Variants in EPS15 observed in about 807,000 individuals in gnomAD.
EPS15 encodes the protein epidermal growth factor receptor substrate 15.
Under a neutral mutation model 113.8 loss-of-function variants are expected in EPS15, and 72 were observed. That is an observed-to-expected ratio of 0.63 (90% CI 0.52 to 0.77). The LOEUF is 0.77. EPS15 is among the 30% of genes least tolerant of loss of function. The probability of loss-of-function intolerance (pLI) is 0.00; values close to 1 mark genes in which losing one functional copy is unlikely to be tolerated. For synonymous variants in EPS15, 344 were observed against 363.4 expected, an observed-to-expected ratio of 0.95 and a Z score of 0.61; for missense variants, 1,048 against 1,045.8, an observed-to-expected ratio of 1.00 and a Z score of -0.03.
intron 21 of EPS15, among the ~76,000 whole-genome samples, chr1:51,387,848 TAGACTCCCACAC>T (rs1462387784): frequency 6.6e-6 from 1 of 152,194 alleles, no homozygotes; most frequent in East Asian, 1.9e-4. Context: ...CAAAGAGACT[TAGACTCCCACAC>T]AATAATAATG....
intron 12 of EPS15, among the ~76,000 whole-genome samples, chr1:51,434,717 G>A (rs977187543): frequency 5.9e-5 from 9 of 152,130 alleles, no homozygotes; most frequent in African/African-American, 1.9e-4. Flanking sequence ...TGTCTCCCAG[G>A]CTGGAGTGCA....
At chr1:51,414,315 A>G (rs549737894) in intron 13 of EPS15, among the ~76,000 whole-genome samples, 80 of 152,138 alleles carry the variant, frequency 5.3e-4, no homozygotes, top group Non-Finnish European at 9.6e-4. Flanking sequence ...AGGGAGACTG[A>G]GGCAGGAGGA....
intron 1 of EPS15, among the ~76,000 whole-genome samples, chr1:51,489,046 G>T (rs1373844583): frequency 1.3e-5 from 2 of 151,414 alleles, no homozygotes; most frequent in Admixed American, 6.6e-5. Context: ...CCATCATGAA[G>T]CTCCTACAGC....
rs34184025 is a variant in EPS15, at chr1:51,461,521, T to TAAAAA, written c.502-376_502-372dup. Among the ~76,000 whole-genome samples, 11 of 85,076 alleles carry TAAAAA rather than the reference T, an allele frequency of 1.3e-4. 1 individual carries two copies. The highest frequency in any genetic ancestry group is 4.2e-4 in the South Asian group (1 of 2,402). 55.8% of individuals were successfully genotyped at this position (85,076 alleles called of 152,430 possible). Reference sequence around the variant, plus strand: ...GGCAACGGAGCTAGACACTGTTTCTTAAAAAAAAAAAAAAAAAAAAAAAAA... The same window carrying TAAAAA: ...GGCAACGGAGCTAGACACTGTTTCTTAAAAAAAAAAAAAAAAAAAAAAAAAAAAAA... On this transcript the variant is annotated intron_variant, in intron 7 of 24. Transcript: ENST00000371733.
chr1:51,423,428 A>G, intron 12 of EPS15: 3 of 1,132,024 alleles, frequency 2.7e-6, no homozygotes, highest in Non-Finnish European at 3.3e-6. Context: ...TGCAAGCTCA[A>G]TCTTGGAAAT....
intron 1 of EPS15, among the ~76,000 whole-genome samples, chr1:51,484,275 T>C (rs1162746955): frequency 6.6e-6 from 1 of 151,556 alleles, no homozygotes; most frequent in Non-Finnish European, 1.5e-5. Flanking sequence ...AAGAAACTAT[T>C]ATTGGGCCAG....
chr1:51,506,084 A>C (rs546912636), intron 1 of EPS15, among the ~76,000 whole-genome samples: 3 of 152,208 alleles, frequency 2.0e-5, no homozygotes, highest in African/African-American at 7.2e-5. Flanking sequence ...GCGGAGTTTC[A>C]CCACTTTGGC....
chr1:51,357,422 A>ATT (rs1364504605), intron 24 of EPS15, among the ~76,000 whole-genome samples: 5 of 71,072 alleles, frequency 7.0e-5, no homozygotes, highest in African/African-American at 3.1e-4. Flanking sequence ...ATATATATAT[A>ATT]TATATTTTTT....
intron 13 of EPS15, among the ~76,000 whole-genome samples, chr1:51,411,300 G>C (rs1008044382): frequency 6.6e-6 from 1 of 152,130 alleles, no homozygotes; most frequent in South Asian, 2.1e-4. Context: ...CTCAAAGGCA[G>C]TAGCCTTTGA....
chr1:51,422,865 A>G (rs974274315), intron 12 of EPS15, among the ~76,000 whole-genome samples: 4 of 152,256 alleles, frequency 2.6e-5, no homozygotes, highest in Non-Finnish European at 5.9e-5. Context: ...ACAGCATTTA[A>G]CAAGTCCTCC....
intron 12 of EPS15, among the ~76,000 whole-genome samples, chr1:51,439,694 T>C (rs1048274469): frequency 2.6e-5 from 4 of 152,094 alleles, no homozygotes; most frequent in African/African-American, 7.2e-5. Flanking sequence ...ATAGTACCTA[T>C]GTATAAGAAA....
intron 21 of EPS15, among the ~76,000 whole-genome samples, chr1:51,377,146 C>A (rs1397419954): frequency 6.6e-6 from 1 of 152,136 alleles, no homozygotes; most frequent in African/African-American, 2.4e-5. Flanking sequence ...CGGGCGTAAT[C>A]TCAGCTACTT....
intron 1 of EPS15, among the ~76,000 whole-genome samples, chr1:51,502,365 C>T (rs1644428366): frequency 6.6e-6 from 1 of 152,092 alleles, no homozygotes; most frequent in South Asian, 2.1e-4. Flanking sequence ...TCAAATAACA[C>T]TAGTTTTATT....
intron 1 of EPS15, among the ~76,000 whole-genome samples, chr1:51,493,105 T>G (rs1644265448): frequency 6.6e-6 from 1 of 152,184 alleles, no homozygotes; most frequent in Non-Finnish European, 1.5e-5. Flanking sequence ...CTCACGCCTG[T>G]AATCCCAGCA....
chr1:51,394,272 A>C (rs1647681107), intron 21 of EPS15, 109 bp downstream of exon 21: 3 of 607,796 alleles, frequency 4.9e-6, no homozygotes, highest in African/African-American at 1.9e-5. Context: ...ATAATTATGC[A>C]ATAATTTTAA....
At chr1:51,412,874 G>A (rs752206161) in intron 13 of EPS15, among the ~76,000 whole-genome samples, 1 of 152,014 alleles carries the variant, frequency 6.6e-6, no homozygotes, top group Non-Finnish European at 1.5e-5. Context: ...ACATACAACT[G>A]GGTTTTCTCC....
At chr1:51,453,167 G>A (rs1653714933) in intron 8 of EPS15, among the ~76,000 whole-genome samples, 1 of 152,158 alleles carries the variant, frequency 6.6e-6, no homozygotes, top group African/African-American at 2.4e-5. Context: ...ATGGCACTGA[G>A]CTAAGAGAAG....
intron 21 of EPS15, chr1:51,372,602 C>CACTA (rs1329773231): frequency 1.9e-6 from 1 of 513,258 alleles, no homozygotes; most frequent in Non-Finnish European, 3.9e-6. Flanking sequence ...CAAGAAAAGA[C>CACTA]ACTAACCTAA....
chr1:51,440,311 G>GTA, intron 12 of EPS15, 36 bp downstream of exon 12: 3 of 744,760 alleles, frequency 4.0e-6, no homozygotes, highest in East Asian at 2.5e-5. Context: ...GTGTGTGTGT[G>GTA]TGTATGTGAG....
Sources: allele counts gnomAD v4.1 joint callset (sites outside exome capture counted in the v4.1 genomes callset), GRCh38; gene constraint gnomAD v4.1.1; transcripts MANE v1.5; gene names NCBI Gene and HGNC (gene_info 2026-07-23, HGNC 2026-07-21).